Variants in CACNG5 observed in about 807,000 individuals in gnomAD.
CACNG5 encodes the protein voltage-dependent calcium channel gamma-5 subunit.
In CACNG5, 18 loss-of-function variants were observed where a neutral mutation model predicts 24.8. That is an observed-to-expected ratio of 0.73 (90% CI 0.50 to 1.08). The LOEUF (loss-of-function observed/expected upper bound fraction) is 1.08, where lower values mean the gene tolerates loss of function less well. Ranked by LOEUF, CACNG5 falls within the 50% of genes least tolerant of loss-of-function variation. The pLI is 0.00. For synonymous variants in CACNG5, 157 were observed against 149.1 expected (o/e 1.05, Z -0.39); for missense variants, 349 against 367.9 (o/e 0.95, Z 0.42).
At chr17:66,863,089 T>A (rs1244176397) in intron 1 of CACNG5, among the ~76,000 whole-genome samples, 1 of 152,192 alleles carries the variant, frequency 6.6e-6, no homozygotes. Flanking sequence ...GGTACTTAGA[T>A]GGTTTACTTC....
chr17:66,880,740 GT>G, intron 4 of CACNG5, 43 bp downstream of exon 4: 2 of 1,599,016 alleles, frequency 1.3e-6, no homozygotes, highest in Non-Finnish European at 1.7e-6. Context: ...GGAATTTTTT[GT>G]TTTTTGTTTT....
At chr17:66,862,890 CTCTGTG>C (rs1486758454) in intron 1 of CACNG5, among the ~76,000 whole-genome samples, 9 of 85,106 alleles carry the variant, frequency 1.1e-4, no homozygotes, top group African/African-American at 2.7e-4. Flanking sequence ...CCAGCATATT[CTCTGTG>C]TGTGTGTGTG....
In CACNG5 at chr17:66,893,791, C is replaced by T. The variant is rs529770268; in HGVS notation, c.*8551C>T. Among the ~76,000 whole-genome samples, 6 of 148,984 alleles carry T rather than the reference C, an allele frequency of 4.0e-5. No homozygotes were observed. In the East Asian group the frequency reaches 1.0e-3, roughly 26 times the overall value. On this transcript the variant is annotated 3_prime_UTR_variant, in exon 6 of 6. Coordinates refer to ENST00000533854, the MANE Select transcript of CACNG5 (RefSeq NM_145811.3). ...GAGGAAGAGATGTTTCATTTGTTCA[C>T]AATGTTTCCTGAAGCACTGGAAGCG...
At chr17:66,837,654 CAT>C (rs1266923560) in intron 1 of CACNG5, among the ~76,000 whole-genome samples, 1 of 152,214 alleles carries the variant, frequency 6.6e-6, no homozygotes, top group East Asian at 1.9e-4. Flanking sequence ...GACTGTGGTT[CAT>C]AGTCTCATGT....
chr17:66,839,065 G>C (rs567994226), intron 1 of CACNG5, among the ~76,000 whole-genome samples: 1 of 148,102 alleles, frequency 6.8e-6, no homozygotes. Context: ...GGGTTCAAGC[G>C]AACCTCCTGC....
chr17:66,849,772 G>A (rs1976689285), intron 1 of CACNG5, among the ~76,000 whole-genome samples: 1 of 152,198 alleles, frequency 6.6e-6, no homozygotes, highest in Non-Finnish European at 1.5e-5. Context: ...AAAGCATTGG[G>A]TAAAACACTG....
chr17:66,868,250 A>T (rs1179675698), intron 1 of CACNG5, among the ~76,000 whole-genome samples: 4 of 152,112 alleles, frequency 2.6e-5, no homozygotes, highest in Non-Finnish European at 5.9e-5. Context: ...AGGATGAGAA[A>T]GTTGTATTAG....
chr17:66,891,284 C>T lies in CACNG5; in HGVS notation c.*6044C>T, dbSNP rs1461891454. The stretch of plus-strand genomic sequence containing the variant: ...AGGGGAACAGGGTGGCCATGTGCTC[C>T]AGTTTATTAATATACAAGCAATTGC... On this transcript the variant is annotated 3_prime_UTR_variant, in exon 6 of 6. Coordinates refer to ENST00000533854, the MANE Select transcript of CACNG5 (RefSeq NM_145811.3). 6.6e-6 allele frequency among the ~76,000 whole-genome samples: 1 copy of T among 152,114 alleles called. No individual in the cohort carries two copies. The highest frequency in any genetic ancestry group is 2.4e-5 in the African/African-American group (1 of 41,410).
At chr17:66,835,333 C>T (rs1422355596) in intron 1 of CACNG5, 83 bp downstream of exon 1, 2 of 152,486 alleles carry the variant, frequency 1.3e-5, no homozygotes, top group African/African-American at 2.4e-5. Context: ...GGTGCTGGGC[C>T]GCGGCGCCGG....
At position 66,886,323 on chromosome 17, in the gene CACNG5, TG is replaced by T. The variant is rs1214562994; in HGVS notation, c.*1089del. Among the ~76,000 whole-genome samples the T allele has an allele frequency of 6.6e-6, 1 of 152,154 alleles. No individual in the cohort carries two copies. Among genetic ancestry groups the T allele is most frequent in the African/African-American group, 2.4e-5 (1 of 41,426 alleles). ...CTCTCCGAAGGCTGCCTGTGAACAT[TG>T]GGGGGTTGCCAATTTAATCCTAATA... On this transcript the variant is annotated 3_prime_UTR_variant, in exon 6 of 6. Coordinates refer to ENST00000533854, the MANE Select transcript of CACNG5 (RefSeq NM_145811.3).
chr17:66,852,947 T>C (rs1386395974), intron 1 of CACNG5, among the ~76,000 whole-genome samples: 4 of 151,302 alleles, frequency 2.6e-5, no homozygotes, highest in Non-Finnish European at 5.9e-5. Context: ...CTTTCTCTCT[T>C]CTCCTCCTCT....
At chr17:66,844,896 C>T (rs188383391) in intron 1 of CACNG5, among the ~76,000 whole-genome samples, 8 of 152,280 alleles carry the variant, frequency 5.3e-5, no homozygotes, top group South Asian at 2.1e-4. Flanking sequence ...TTGTGAAAGG[C>T]GAATGTAACC....
rs56797058 is a variant in CACNG5, at chr17:66,850,599, T to TACAC, written c.-104+15369_-104+15372dup. On this transcript the variant is annotated intron_variant, in intron 1 of 5. Coordinates refer to ENST00000533854, the MANE Select transcript of CACNG5 (RefSeq NM_145811.3). ...ATATATATATACATACACAAATACA[T>TACAC]ACACACACACACACACACACACAAT... Among the ~76,000 whole-genome samples the TACAC allele has an allele frequency of 5.2e-3, 735 of 142,406 alleles. 2 individuals are homozygous for TACAC. The highest frequency in any genetic ancestry group is 0.016 in the African/African-American group (599 of 36,440). The allele number at this position is 142,406 out of a possible 152,430, so 93.4% of individuals were successfully genotyped here. A position where few individuals can be genotyped will look rare whatever the true frequency, so the allele number is the denominator to read the frequency against.
intron 1 of CACNG5, among the ~76,000 whole-genome samples, chr17:66,842,086 G>A (rs34596608): frequency 3.9e-5 from 6 of 151,998 alleles, no homozygotes; most frequent in Non-Finnish European, 7.4e-5. Flanking sequence ...GGCTCTCTCC[G>A]GCCCCACTGC....
At position 66,885,178 on chromosome 17, in the gene CACNG5, A is replaced by G. The variant is rs143414497; in HGVS notation, c.766A>G (p.Ser256Gly). The change falls in exon 6 of 6, where the codon AGC (serine) becomes GGC (glycine). Residue 256 changes from serine to glycine, a missense_variant. Coordinates refer to ENST00000533854, the MANE Select transcript of CACNG5 (RefSeq NM_145811.3). ...ISSEASLQMN[S>G]NYPALLKCPD... ...CAGCGAGGCCTCCCTGCAGATGAACAGCAACTACCCCGCCTTGCTCAAGTG... is the reference window on the plus strand; with the variant it reads ...CAGCGAGGCCTCCCTGCAGATGAACGGCAACTACCCCGCCTTGCTCAAGTG... 3.2e-5 allele frequency: 51 copies of G among 1,611,478 alleles called. No homozygotes were observed. Among genetic ancestry groups the G allele is most frequent in the Non-Finnish European group, 4.2e-5 (50 of 1,179,870 alleles).
chr17:66,869,907 C>G (rs943823843), intron 1 of CACNG5, among the ~76,000 whole-genome samples: 1 of 151,990 alleles, frequency 6.6e-6, no homozygotes, highest in Non-Finnish European at 1.5e-5. Flanking sequence ...CATGGTGAAA[C>G]CCCGTCTCTA....
chr17:66,858,921 C>G (rs1976818596), intron 1 of CACNG5, among the ~76,000 whole-genome samples: 1 of 152,226 alleles, frequency 6.6e-6, no homozygotes, highest in African/African-American at 2.4e-5. Context: ...CACCAGTCAT[C>G]TGCCAAGGCA....
At chr17:66,878,138 G>A (rs528754840) in intron 2 of CACNG5, among the ~76,000 whole-genome samples, 76 of 152,318 alleles carry the variant, frequency 5.0e-4, no homozygotes, top group Non-Finnish European at 9.7e-4. Context: ...TTACTCACTA[G>A]GGCTTCCCTG....
At chr17:66,877,964 C>T (rs1045471287) in intron 2 of CACNG5, among the ~76,000 whole-genome samples, 5 of 152,218 alleles carry the variant, frequency 3.3e-5, no homozygotes, top group Admixed American at 6.5e-5. Flanking sequence ...GGTTAAGTCT[C>T]CTTAACTCAG....
Sources: allele counts gnomAD v4.1 joint callset (sites outside exome capture counted in the v4.1 genomes callset), GRCh38; gene constraint gnomAD v4.1.1; transcripts MANE v1.5; gene names NCBI Gene and HGNC (gene_info 2026-07-23, HGNC 2026-07-21).